PLAAT2: variants seen among roughly 807,000 people sequenced by gnomAD.
PLAAT2 encodes HRAS like suppressor 2.
PLAAT2 carries 12 observed loss-of-function variants against 12.8 expected under a neutral mutation model. The ratio of observed to expected loss-of-function variants is 0.94; its 90% CI spans 0.60 to 1.52. PLAAT2 has a LOEUF of 1.52. Among genes scored for constraint, PLAAT2 ranks in the 40% most tolerant of loss-of-function variants. The pLI, the probability that PLAAT2 is intolerant of heterozygous loss-of-function variation, is 0.00. For synonymous variants in PLAAT2, 79 were observed against 86.8 expected (o/e 0.91, Z 0.50); for missense variants, 166 against 208.1 (o/e 0.80, Z 1.24).
chr11:63,553,099 A>T (rs1314607977), intron 3 of PLAAT2, 34 bp from the exon 4 acceptor site: 1 of 1,426,242 alleles, frequency 7.0e-7, no homozygotes, highest in Non-Finnish European at 9.9e-7. Context: ...CACACTCAGC[A>T]TCAGGGCGGG....
chr11:63,556,141 C>T (rs1225848508), intron 3 of PLAAT2, among the ~76,000 whole-genome samples: 1 of 152,134 alleles, frequency 6.6e-6, no homozygotes. Flanking sequence ...TTCACAAGTC[C>T]ACTTTCTTAC....
chr11:63,563,002 A>G (rs2017531877), intron 1 of PLAAT2, among the ~76,000 whole-genome samples: 1 of 152,208 alleles, frequency 6.6e-6, no homozygotes, highest in Admixed American at 6.5e-5. Context: ...TGAGCCCACC[A>G]TTCCTGCCTT....
chr11:63,558,471 T>C lies in PLAAT2; in HGVS notation c.308A>G (p.Glu103Gly). 1 of 1,614,206 alleles carries C rather than the reference T, an allele frequency of 6.2e-7. No homozygotes were observed. The highest frequency in any genetic ancestry group is 8.5e-7 in the Non-Finnish European group (1 of 1,180,028). ...VKRAEELVGQ[E>G]LPYSLTSDNC... ...GTCACTGGTCAGCGAATAAGGCAAC[T>C]CCTGCCCCACCAACTCCTCTGCCCG... Residue 103 changes from glutamate to glycine, a missense_variant, in exon 3 of 4, where the codon GAG becomes GGG. Glu to Gly is a moderately conservative substitution (Grantham distance 98, BLOSUM62 -2). Coordinates refer to ENST00000255695, the MANE Select transcript of PLAAT2 (RefSeq NM_017878.2).
At chr11:63,554,766 C>G (rs934560817) in intron 3 of PLAAT2, among the ~76,000 whole-genome samples, 3 of 152,082 alleles carry the variant, frequency 2.0e-5, no homozygotes, top group African/African-American at 7.2e-5. Context: ...AACCAGCGAC[C>G]AAATAGCAGA....
rs1193120338 is a variant in PLAAT2 at position 63,563,312 on chromosome 11, T to C, written c.9+4A>G. On this transcript the variant is annotated splice_donor_region_variant and intron_variant, in intron 1 of 3. Transcript: ENST00000255695. ...AAGCTTTAAAACCGTTTCTGGGGAC[T>C]TACCAAAGCCATCCTTCCTTCAAGA... The C allele has an allele frequency of 3.1e-6, 5 of 1,614,042 alleles. No individual in the cohort carries two copies. Among genetic ancestry groups the C allele is most frequent in the African/African-American group, 2.7e-5 (2 of 74,918 alleles).
At chr11:63,558,024 G>A (rs1327936468) in intron 3 of PLAAT2, among the ~76,000 whole-genome samples, 1 of 152,194 alleles carries the variant, frequency 6.6e-6, no homozygotes, top group African/African-American at 2.4e-5. Flanking sequence ...ACATGGACTA[G>A]AGACTCAATA....
chr11:63,559,020 A>AG (rs1437968637), intron 2 of PLAAT2, among the ~76,000 whole-genome samples: 25 of 152,334 alleles, frequency 1.6e-4, no homozygotes, highest in African/African-American at 6.0e-4. Context: ...GCTTAGAAAA[A>AG]GTCACTCCAG....
upstream of PLAAT2, among the ~76,000 whole-genome samples, chr11:63,564,480 C>T (rs1230843672): frequency 6.6e-6 from 1 of 152,124 alleles, no homozygotes; most frequent in Non-Finnish European, 1.5e-5. Context: ...AAACAAAGAG[C>T]TTTAGTGTGG....
rs765637389 is a variant in PLAAT2 at position 63,560,162 on chromosome 11, A to G, written c.41T>C (p.Ile14Thr). 4.3e-6 allele frequency: 7 copies of G among 1,613,792 alleles called. No individual in the cohort carries two copies. The Admixed American group carries it at 8.3e-5, about 19-fold the overall frequency. Reference sequence around the variant, plus strand: ...TGCATAGCCAAAGCGAGAAATCTCAATCAGGTCTCCAAGTCTCGGTCTTGG... The same window carrying G: ...TGCATAGCCAAAGCGAGAAATCTCAGTCAGGTCTCCAAGTCTCGGTCTTGG... ...ARPRPRLGDL[I>T]EISRFGYAHW... Residue 14 changes from isoleucine (I) to threonine (T), a missense_variant, in exon 2 of 4, where the codon ATT becomes ACT. Coordinates refer to ENST00000255695, the MANE Select transcript of PLAAT2 (RefSeq NM_017878.2).
At position 63,562,557 on chromosome 11, in the gene PLAAT2, G is replaced by A. The variant is rs560587310; in HGVS notation, c.9+759C>T. 1.1e-4 allele frequency among the ~76,000 whole-genome samples: 16 copies of A among 152,286 alleles called. No individual in the cohort carries two copies. In the South Asian group the frequency reaches 3.1e-3, roughly 30 times the overall value. On this transcript the variant is annotated intron_variant, in intron 1 of 3. Transcript: ENST00000255695. ...TTTTTAAGTCGAAGCTTTAGAGTCA[G>A]AGCCTCCTAAGTTCGAATTCCCTCT...
rs200068825 is a variant in PLAAT2, at chr11:63,558,367, A to T, written c.387+25T>A. The T allele has an allele frequency of 8.5e-5, 137 of 1,608,348 alleles. No homozygotes were observed. In the African/African-American group the frequency reaches 1.6e-3, roughly 19 times the overall value. On this transcript the variant is annotated intron_variant, in intron 3 of 3. Transcript: ENST00000255695. ...CTGAGGGAGTGGCCTGGCTCCTGGG[A>T]AGGGGATGCAGGCTGAAGATGCACC...
At chr11:63,563,746 A>AGAT (rs2017540735), upstream of PLAAT2, among the ~76,000 whole-genome samples, 1 of 150,992 alleles carries the variant, frequency 6.6e-6, no homozygotes, top group Non-Finnish European at 1.5e-5. Context: ...AACAGAACAT[A>AGAT]GATCAAGGTT....
intron 3 of PLAAT2, among the ~76,000 whole-genome samples, chr11:63,557,994 C>T (rs989390968): frequency 6.6e-6 from 1 of 152,160 alleles, no homozygotes; most frequent in South Asian, 2.1e-4. Flanking sequence ...GTTTAACTCC[C>T]CCGCTCTTCA....
intron 2 of PLAAT2, 54 bp downstream of exon 2, chr11:63,560,031 C>CT: frequency 8.2e-7 from 1 of 1,215,180 alleles, no homozygotes; most frequent in Non-Finnish European, 1.2e-6. Context: ...AACTGTGCAT[C>CT]TCTTCACATT....
chr11:63,553,005 C>T lies in PLAAT2; in HGVS notation c.448G>A (p.Val150Met), dbSNP rs764288240. ...TTGCTTCTGGCCAGCAGGATCCCCA[C>T]AAGGCTTGCGGCAGCCAGCAGGCCT... ...AAGLLAAASL[V>M]GILLARSKRE... Residue 150 changes from valine (V) to methionine (M), a missense_variant, in exon 4 of 4, where the codon GTG becomes ATG. By Grantham distance (21) the Val-to-Met change is conservative. Coordinates refer to ENST00000255695, the MANE Select transcript of PLAAT2 (RefSeq NM_017878.2). 5 of 1,614,014 alleles carry T rather than the reference C, an allele frequency of 3.1e-6. No homozygotes were observed. The highest frequency in any genetic ancestry group is 4.2e-6 in the Non-Finnish European group (5 of 1,179,998).
At chr11:63,557,201 T>C (rs2017473958) in intron 3 of PLAAT2, among the ~76,000 whole-genome samples, 1 of 152,200 alleles carries the variant, frequency 6.6e-6, no homozygotes, top group Non-Finnish European at 1.5e-5. Flanking sequence ...AAGTGTTTGA[T>C]GTCATCTAAG....
intron 3 of PLAAT2, among the ~76,000 whole-genome samples, chr11:63,557,793 A>G (rs868759721): frequency 6.6e-6 from 1 of 152,182 alleles, no homozygotes; most frequent in African/African-American, 2.4e-5. Context: ...ATTGCCCAAC[A>G]TGATCTGGGC....
intron 2 of PLAAT2, among the ~76,000 whole-genome samples, chr11:63,559,771 T>C (rs2017501276): frequency 6.6e-6 from 1 of 152,072 alleles, no homozygotes; most frequent in South Asian, 2.1e-4. Flanking sequence ...AAGCAACTGC[T>C]TCTTACTCTT....
At chr11:63,558,191 G>C (rs2017484649) in intron 3 of PLAAT2, among the ~76,000 whole-genome samples, 1 of 152,104 alleles carries the variant, frequency 6.6e-6, no homozygotes, top group South Asian at 2.1e-4. Flanking sequence ...CCACTGCACT[G>C]GTCTACATTG....
Sources: gnomAD v4.1 joint callset for allele counts (sites outside exome capture counted in the v4.1 genomes callset) on GRCh38, gnomAD v4.1.1 for gene constraint, MANE v1.5 for transcripts, NCBI Gene and HGNC (gene_info 2026-07-23, HGNC 2026-07-21) for gene names.